The following DLG2 variants were observed in gnomAD, a reference collection of about 807,000 sequenced individuals.
The protein encoded by DLG2 is disks large homolog 2.
In DLG2, 45 loss-of-function variants were observed where a neutral mutation model predicts 132.5. The observed-to-expected ratio is 0.34, with a 90% CI of 0.27 to 0.44. The LOEUF is 0.44. Ranked by LOEUF, DLG2 falls within the 20% of genes least tolerant of loss-of-function variation. DLG2 has a pLI of 1.00. For synonymous variants in DLG2, 424 were observed against 419.6 expected, an observed-to-expected ratio of 1.01 and a Z score of -0.13; for missense variants, 1,045 against 1,196.9, an observed-to-expected ratio of 0.87 and a Z score of 1.87.
At position 83,610,110 on chromosome 11, in the gene DLG2, ATAT is replaced by A. The variant is rs1388689300; in HGVS notation, c.1940+23098_1940+23100del. Among the ~76,000 whole-genome samples the A allele has an allele frequency of 3.3e-5, 5 of 152,190 alleles. No homozygotes were observed. The East Asian group carries it at 9.6e-4, about 29-fold the overall frequency. On this transcript the variant is annotated intron_variant, in intron 19 of 27. Transcript: ENST00000376104. ...TGTCCCCTTTTCATGTCCAGTGTTT[ATAT>A]TTACTACAAATACTAGGTCTCTAAG... is the stretch of plus-strand genomic sequence containing the variant.
intron 2 of DLG2, among the ~76,000 whole-genome samples, chr11:85,615,637 T>C (rs1040224333): frequency 6.6e-6 from 1 of 152,206 alleles, no homozygotes. Flanking sequence ...GTGAAGAATA[T>C]GTATGGCAAG....
chr11:84,758,057 A>G (rs2067129256), intron 6 of DLG2, among the ~76,000 whole-genome samples: 1 of 152,234 alleles, frequency 6.6e-6, no homozygotes, highest in African/African-American at 2.4e-5. Context: ...CATACTTTAC[A>G]ACTGGTTATC....
At chr11:83,706,773 C>G (rs1378765427) in intron 18 of DLG2, among the ~76,000 whole-genome samples, 3 of 152,160 alleles carry the variant, frequency 2.0e-5, no homozygotes, top group Non-Finnish European at 2.9e-5. Context: ...CGAGTGGGCT[C>G]TCGGGTAGAA....
At chr11:84,625,821 T>C (rs1025003244) in intron 6 of DLG2, among the ~76,000 whole-genome samples, 2 of 152,226 alleles carry the variant, frequency 1.3e-5, no homozygotes, top group African/African-American at 4.8e-5. Flanking sequence ...AAAATCATGT[T>C]ATTTGGAAAC....
intron 6 of DLG2, among the ~76,000 whole-genome samples, chr11:84,605,719 C>A (rs1228511897): frequency 6.6e-6 from 1 of 151,920 alleles, no homozygotes; most frequent in African/African-American, 2.4e-5. Flanking sequence ...GGTGTTTGGA[C>A]TTCTTAATTT....
intron 6 of DLG2, among the ~76,000 whole-genome samples, chr11:84,568,343 T>C (rs1257728372): frequency 6.6e-6 from 1 of 152,120 alleles, no homozygotes; most frequent in Admixed American, 6.6e-5. Context: ...ACCCCGTCTC[T>C]ACTAAAAATA....
At chr11:85,604,745 G>T (rs1490595986) in intron 2 of DLG2, among the ~76,000 whole-genome samples, 1 of 152,134 alleles carries the variant, frequency 6.6e-6, no homozygotes, top group Non-Finnish European at 1.5e-5. Context: ...ATGCAACCAA[G>T]GGATAGTGAA....
intron 4 of DLG2, among the ~76,000 whole-genome samples, chr11:85,205,564 A>T (rs890686991): frequency 6.6e-6 from 1 of 152,218 alleles, no homozygotes; most frequent in Non-Finnish European, 1.5e-5. Flanking sequence ...CACAAAAAAC[A>T]GATAAATGTT....
At chr11:85,609,135 G>A (rs1236633151) in intron 2 of DLG2, among the ~76,000 whole-genome samples, 1 of 152,156 alleles carries the variant, frequency 6.6e-6, no homozygotes, top group Non-Finnish European at 1.5e-5. Context: ...ACTCAATGAT[G>A]TCCACCATAA....
At chr11:85,097,382 C>A (rs887948314) in intron 6 of DLG2, among the ~76,000 whole-genome samples, 2 of 152,124 alleles carry the variant, frequency 1.3e-5, no homozygotes, top group East Asian at 3.9e-4. Context: ...CAAGTCCCCA[C>A]CCGACTCAGA....
intron 7 of DLG2, among the ~76,000 whole-genome samples, chr11:84,411,955 T>C (rs955736837): frequency 6.6e-6 from 1 of 151,492 alleles, no homozygotes; most frequent in African/African-American, 2.4e-5. Flanking sequence ...CCAAATACTA[T>C]GTACTGGATT....
intron 6 of DLG2, among the ~76,000 whole-genome samples, chr11:84,824,102 G>A (rs2078044749): frequency 6.6e-6 from 1 of 151,830 alleles, no homozygotes; most frequent in African/African-American, 2.4e-5. Context: ...CTTGTTGTAT[G>A]TCCCTCTCAC....
intron 7 of DLG2, among the ~76,000 whole-genome samples, chr11:84,527,075 GC>G (rs2099323478): frequency 1.3e-5 from 2 of 152,030 alleles, no homozygotes; most frequent in South Asian, 4.1e-4. Context: ...ACCGCTCCCG[GC>G]CCCACTGGGG....
chr11:83,910,687 T>C (rs934706071), intron 15 of DLG2, among the ~76,000 whole-genome samples: 2 of 152,128 alleles, frequency 1.3e-5, no homozygotes, highest in African/African-American at 4.8e-5. Context: ...ATTAATACTT[T>C]AAAAACTTAA....
chr11:83,660,749 G>T (rs1354443186), intron 18 of DLG2, among the ~76,000 whole-genome samples: 1 of 152,094 alleles, frequency 6.6e-6, no homozygotes, highest in Non-Finnish European at 1.5e-5. Flanking sequence ...AGGTACATAA[G>T]GGGGTGGCTG....
chr11:85,211,959 A>ATGAC (rs1365488370), intron 4 of DLG2, among the ~76,000 whole-genome samples: 1 of 152,108 alleles, frequency 6.6e-6, no homozygotes, highest in Admixed American at 6.6e-5. Flanking sequence ...GTATAAAATA[A>ATGAC]TGACTGATTA....
intron 6 of DLG2, among the ~76,000 whole-genome samples, chr11:84,940,054 G>A (rs1172992262): frequency 1.3e-5 from 2 of 152,240 alleles, no homozygotes; most frequent in African/African-American, 2.4e-5. Flanking sequence ...AGTATACAAG[G>A]GTTCCCTTTT....
Position 85,204,508 on chromosome 11 carries a change from TAA to T in DLG2, c.187-49859_187-49858del, listed in dbSNP as rs1196904046. Among the ~76,000 whole-genome samples, 3 of 152,006 alleles carry T rather than the reference TAA, an allele frequency of 2.0e-5. No homozygotes were observed. The East Asian group carries it at 5.8e-4, about 29-fold the overall frequency. ...TGAAAGATCTCTTCAATGACAATTA[TAA>T]AACTCTGATGAAAATAAATTGAAGA... On this transcript the variant is annotated intron_variant, in intron 4 of 27. Coordinates refer to ENST00000376104, the MANE Select transcript of DLG2 (RefSeq NM_001142699.3).
At chr11:83,790,075 C>G (rs967604919) in intron 17 of DLG2, 42 of 1,128,082 alleles carry the variant, frequency 3.7e-5, no homozygotes, top group Non-Finnish European at 5.0e-5. Context: ...GACACAGGTA[C>G]TGCAACGAGT....
Sources: gnomAD v4.1 joint callset for allele counts (sites outside exome capture counted in the v4.1 genomes callset) on GRCh38, gnomAD v4.1.1 for gene constraint, MANE v1.5 for transcripts, NCBI Gene and HGNC (gene_info 2026-07-23, HGNC 2026-07-21) for gene names.